The following CRY1 variants were observed in gnomAD, a reference collection of about 807,000 sequenced individuals.
CRY1 encodes cryptochrome circadian regulator 1.
In CRY1, 45 loss-of-function variants were observed where a neutral mutation model predicts 76.0. That is an observed-to-expected ratio of 0.59 (90% CI 0.47 to 0.76). CRY1 has a LOEUF of 0.76. Ranked by LOEUF, CRY1 falls within the 30% of genes least tolerant of loss-of-function variation. CRY1 has a pLI of 0.00. For missense variants in CRY1, 587 were observed against 716.4 expected, an observed-to-expected ratio of 0.82 and a Z score of 2.06; for synonymous variants, 248 against 244.0, an observed-to-expected ratio of 1.02 and a Z score of -0.15.
chr12:107,060,381 T>C (rs536955696), intron 1 of CRY1, among the ~76,000 whole-genome samples: 35 of 152,308 alleles, frequency 2.3e-4, no homozygotes, highest in African/African-American at 8.2e-4. Flanking sequence ...TCTTGTCCTC[T>C]CTTTGCTCTT....
chr12:107,034,169 A>G (rs1952707856), intron 1 of CRY1, among the ~76,000 whole-genome samples: 1 of 152,076 alleles, frequency 6.6e-6, no homozygotes, highest in South Asian at 2.1e-4. Flanking sequence ...GATGGAGACG[A>G]AAGTGACCTC....
At chr12:107,030,631 ATCT>A (rs540941513) in intron 1 of CRY1, among the ~76,000 whole-genome samples, 32 of 152,298 alleles carry the variant, frequency 2.1e-4, no homozygotes, top group African/African-American at 7.7e-4. Context: ...GGAAAGCATA[ATCT>A]TCTTGCAGGA....
chr12:107,044,993 G>A (rs1952834553), intron 1 of CRY1, among the ~76,000 whole-genome samples: 1 of 152,142 alleles, frequency 6.6e-6, no homozygotes, highest in Non-Finnish European at 1.5e-5. Context: ...CAAGTCTGGG[G>A]AGAAATATGC....
intron 1 of CRY1, among the ~76,000 whole-genome samples, chr12:107,040,325 AC>A (rs1952783933): frequency 1.5e-5 from 1 of 64,638 alleles, no homozygotes; most frequent in South Asian, 5.1e-4. Flanking sequence ...TCGCTCTGTC[AC>A]CCAGGCTGGA....
chr12:106,996,204 C>G (rs2136818134), intron 10 of CRY1, among the ~76,000 whole-genome samples: 1 of 152,260 alleles, frequency 6.6e-6, no homozygotes, highest in East Asian at 1.9e-4. Flanking sequence ...CTTCCACTTA[C>G]AAGCAAGAAC....
At chr12:107,004,302 T>C (rs1219805633) in intron 3 of CRY1, among the ~76,000 whole-genome samples, 1 of 152,216 alleles carries the variant, frequency 6.6e-6, no homozygotes, top group African/African-American at 2.4e-5. Flanking sequence ...TTTTGATACA[T>C]TTAAAATGTG....
At chr12:107,023,068 T>C (rs529223286) in intron 1 of CRY1, among the ~76,000 whole-genome samples, 2 of 151,162 alleles carry the variant, frequency 1.3e-5, no homozygotes, top group Non-Finnish European at 2.9e-5. Context: ...ATCTTATTAT[T>C]TGACTCATGT....
In CRY1 at chr12:107,092,923, G is replaced by A. The variant is rs146992423; in HGVS notation, c.39C>T (p.Leu13=). ...VNAVHWFRKG[L]RLHDNPALKE... ...TCAGGGCGGGGTTGTCGTGGAGCCGGAGCCCCTTTCGGAACCAGTGCACGG... is the reference window on the plus strand; with the variant it reads ...TCAGGGCGGGGTTGTCGTGGAGCCGAAGCCCCTTTCGGAACCAGTGCACGG... Residue 13 remains leucine (L), a synonymous_variant, in exon 1 of 13, where the codon CTC becomes CTT. Coordinates refer to ENST00000008527, the MANE Select transcript of CRY1 (RefSeq NM_004075.5). 6.2e-7 allele frequency: 1 copy of A among 1,603,454 alleles called. No homozygotes were observed. The highest frequency in any genetic ancestry group is 8.5e-7 in the Non-Finnish European group (1 of 1,175,936).
rs147009541 is a variant in CRY1 at position 106,999,791 on chromosome 12, T to C, written c.897A>G (p.Ala299=). Residue 299 remains alanine (A), a synonymous_variant, in exon 7 of 13, where the codon GCA becomes GCG. Coordinates refer to ENST00000008527, the MANE Select transcript of CRY1 (RefSeq NM_004075.5). ...TATCAAAGCGTGGATTATTTGTTGC[T>C]GCTGTATAGAAAAATTCACGCCATA... ...QLLWREFFYT[A]ATNNPRFDKM... 1.4e-4 allele frequency: 233 copies of C among 1,614,146 alleles called. No individual in the cohort carries two copies. The highest frequency in any genetic ancestry group is 1.8e-4 in the Admixed American group (11 of 60,012).
intron 1 of CRY1, among the ~76,000 whole-genome samples, chr12:107,046,543 C>A (rs1417295717): frequency 6.6e-6 from 1 of 152,070 alleles, no homozygotes; most frequent in Non-Finnish European, 1.5e-5. Context: ...TCAGTAATAA[C>A]CTTGAATAAT....
At chr12:107,055,664 C>T (rs552055865) in intron 1 of CRY1, among the ~76,000 whole-genome samples, 1 of 152,124 alleles carries the variant, frequency 6.6e-6, no homozygotes, top group South Asian at 2.1e-4. Context: ...ACTAACCAAC[C>T]TCTGATGAAA....
At position 107,000,100 on chromosome 12, in the gene CRY1, A is replaced by G; in HGVS notation, c.685-18T>C. On this transcript the variant is annotated intron_variant, in intron 5 of 12. Transcript: ENST00000008527. The stretch of plus-strand genomic sequence containing the variant: ...ACCCAAGCCTGAAAACACACAGAGA[A>G]AATTATATTAACTAATTGTCTTTTT... 6.4e-7 allele frequency: 1 copy of G among 1,573,092 alleles called. No individual in the cohort carries two copies. The highest frequency in any genetic ancestry group is 1.2e-5 in the South Asian group (1 of 82,598).
rs11837380 is a variant in CRY1 at position 107,011,275 on chromosome 12, G to A, written c.268-6027C>T. ...TGAGGCAGGAGAATCGTTTGAACCCGGAAAGCGGAGTTTGCAGTGAGCTGA... is the reference window on the plus strand; with the variant it reads ...TGAGGCAGGAGAATCGTTTGAACCCAGAAAGCGGAGTTTGCAGTGAGCTGA... On this transcript the variant is annotated intron_variant, in intron 2 of 12. Coordinates refer to ENST00000008527, the MANE Select transcript of CRY1 (RefSeq NM_004075.5). Among the ~76,000 whole-genome samples the A allele has an allele frequency of 4.1e-3, 629 of 152,066 alleles. 6 individuals are homozygous for A. The highest frequency in any genetic ancestry group is 7.1e-3 in the African/African-American group (296 of 41,468).
chr12:107,064,928 G>C (rs1356030020), intron 1 of CRY1, among the ~76,000 whole-genome samples: 1 of 152,196 alleles, frequency 6.6e-6, no homozygotes, highest in Non-Finnish European at 1.5e-5. Flanking sequence ...AGGGGCAAAA[G>C]CTGGACAATG....
Position 106,992,829 on chromosome 12 carries a change from TG to T in CRY1, c.1718del (p.Thr573AsnfsTer36). On this transcript the variant is annotated frameshift_variant, in exon 12 of 13. Transcript: ENST00000008527. LOFTEE classifies it high-confidence loss of function. Reference sequence around the variant, plus strand: ...TCTGGACTTTAGGACCAATACTCTGTGTGTCCTCTTCCTGACTAGGACGTTT... The same window carrying T: ...TCTGGACTTTAGGACCAATACTCTGTTGTCCTCTTCCTGACTAGGACGTTT... ...GGKRPSQEED[T>X]QSIGPKVQRQ... 1 of 1,614,072 alleles carries T rather than the reference TG, an allele frequency of 6.2e-7. No homozygotes were observed. Among genetic ancestry groups the T allele is most frequent in the Non-Finnish European group, 8.5e-7 (1 of 1,179,930 alleles).
In CRY1 at chr12:106,997,347, C is replaced by G. The variant is rs1435947465; in HGVS notation, c.1532G>C (p.Gly511Ala). ...TTCTGCAGAATATCCCATGAAGCCTCCATTCCCATTAGGATTAGAAGGTAC... is the reference window on the plus strand; with the variant it reads ...TTCTGCAGAATATCCCATGAAGCCTGCATTCCCATTAGGATTAGAAGGTAC... Reference protein sequence around the residue: ...ASVPSNPNGNGGFMGYSAENI... With the variant: ...ASVPSNPNGNAGFMGYSAENI... Residue 511 changes from glycine to alanine, a missense_variant, in exon 10 of 13, where the codon GGA becomes GCA. Gly to Ala is a moderately conservative substitution (Grantham distance 60). Coordinates refer to ENST00000008527, the MANE Select transcript of CRY1 (RefSeq NM_004075.5). The G allele has an allele frequency of 1.9e-6, 3 of 1,613,750 alleles. No individual in the cohort carries two copies. Among genetic ancestry groups the G allele is most frequent in the Non-Finnish European group, 2.5e-6 (3 of 1,179,908 alleles).
At chr12:107,078,836 T>G (rs545933713) in intron 1 of CRY1, among the ~76,000 whole-genome samples, 22 of 152,266 alleles carry the variant, frequency 1.4e-4, no homozygotes, top group African/African-American at 5.3e-4. Flanking sequence ...TCCCTCACCC[T>G]CCTCCTCTGT....
chr12:107,025,555 A>G (rs1952598648), intron 1 of CRY1, among the ~76,000 whole-genome samples: 1 of 152,166 alleles, frequency 6.6e-6, no homozygotes, highest in Admixed American at 6.5e-5. Context: ...GCCTGCCCAT[A>G]GTAAGCACAA....
chr12:107,068,678 G>C (rs957809604), intron 1 of CRY1, among the ~76,000 whole-genome samples: 4 of 152,082 alleles, frequency 2.6e-5, no homozygotes, highest in Non-Finnish European at 5.9e-5. Context: ...CCTCTATCTA[G>C]TTCCAAAACA....
Sources: allele counts gnomAD v4.1 joint callset (sites outside exome capture counted in the v4.1 genomes callset), GRCh38; gene constraint gnomAD v4.1.1; transcripts MANE v1.5; gene names NCBI Gene and HGNC (gene_info 2026-07-23, HGNC 2026-07-21).